ULK4: variants seen among roughly 807,000 people sequenced by gnomAD.
ULK4 encodes inactive serine/threonine-protein kinase ULK4.
ULK4 carries 133 observed loss-of-function variants against 160.6 expected under a neutral mutation model. The observed-to-expected ratio is 0.83, with a 90% confidence interval of 0.72 to 0.96. The LOEUF (loss-of-function observed/expected upper bound fraction) is 0.96. Ranked by LOEUF, ULK4 falls within the 40% of genes least tolerant of loss-of-function variation. The pLI, the probability that ULK4 is intolerant of heterozygous loss-of-function variation, is 0.00. For synonymous variants in ULK4, 534 were observed against 539.8 expected, an observed-to-expected ratio of 0.99 and a Z score of 0.15; for missense variants, 1,580 against 1,499.5, an observed-to-expected ratio of 1.05 and a Z score of -0.89.
intron 27 of ULK4, among the ~76,000 whole-genome samples, chr3:41,699,784 G>T (rs1307042856): frequency 2.0e-5 from 3 of 152,160 alleles, no homozygotes. Context: ...TGCTCAAAAA[G>T]AGGTAATTAG....
intron 35 of ULK4, among the ~76,000 whole-genome samples, chr3:41,292,030 T>G (rs1017098537): frequency 1.9e-4 from 29 of 152,048 alleles, no homozygotes; most frequent in African/African-American, 5.8e-4. Context: ...AGACGGGGTT[T>G]CACCGTGTTA....
chr3:41,909,623 G>A (rs1156701716), intron 11 of ULK4, among the ~76,000 whole-genome samples: 1 of 151,500 alleles, frequency 6.6e-6, no homozygotes, highest in Non-Finnish European at 1.5e-5. Context: ...GCTGAGACAT[G>A]AGAATCGCTT....
intron 21 of ULK4, among the ~76,000 whole-genome samples, chr3:41,772,139 C>A (rs1039065745): frequency 2.6e-5 from 4 of 151,992 alleles, no homozygotes; most frequent in African/African-American, 7.2e-5. Context: ...AAAATTGACA[C>A]CCTATCACAA....
intron 35 of ULK4, among the ~76,000 whole-genome samples, chr3:41,374,368 C>A (rs897650545): frequency 1.3e-5 from 2 of 152,154 alleles, no homozygotes; most frequent in African/African-American, 4.8e-5. Context: ...CCCTGATGAA[C>A]ATTGATGTGA....
intron 35 of ULK4, among the ~76,000 whole-genome samples, chr3:41,300,656 A>G (rs2079767080): frequency 6.6e-6 from 1 of 151,412 alleles, no homozygotes; most frequent in African/African-American, 2.4e-5. Context: ...GTACCCTTCT[A>G]CAGCACCCCC....
intron 35 of ULK4, among the ~76,000 whole-genome samples, chr3:41,361,540 A>T (rs570776311): frequency 1.3e-5 from 2 of 152,312 alleles, no homozygotes; most frequent in African/African-American, 4.8e-5. Context: ...ACTGTTTAGA[A>T]CTTTGAAAGC....
At position 41,259,106 on chromosome 3, in the gene ULK4, G is replaced by A. The variant is rs182128690; in HGVS notation, c.3679-9532C>T. ...ATGATATATATACATATATGTATAT[G>A]TATATATGTGTATATATATATATAT... On this transcript the variant is annotated intron_variant, in intron 35 of 36. Coordinates refer to ENST00000301831, the MANE Select transcript of ULK4 (RefSeq NM_017886.4). 2.8e-3 allele frequency among the ~76,000 whole-genome samples: 355 copies of A among 128,370 alleles called. 2 individuals are homozygous for A. Among genetic ancestry groups the A allele is most frequent in the African/African-American group, 0.014 (332 of 23,334 alleles). The allele number at this position is 128,370 out of a possible 152,430, so 84.2% of individuals were successfully genotyped here.
chr3:41,721,337 T>C (rs1266701037), intron 22 of ULK4, among the ~76,000 whole-genome samples: 5 of 39,034 alleles, frequency 1.3e-4, no homozygotes, highest in African/African-American at 7.9e-4. Context: ...AATGTAAATA[T>C]ATATATATAT....
intron 27 of ULK4, among the ~76,000 whole-genome samples, chr3:41,699,426 T>G (rs141228302): frequency 2.6e-3 from 389 of 152,374 alleles, no homozygotes; most frequent in African/African-American, 8.9e-3. Context: ...TTATGTATAC[T>G]GCAGCCAGAA....
chr3:41,365,213 T>C (rs1246507171), intron 35 of ULK4, among the ~76,000 whole-genome samples: 2 of 152,170 alleles, frequency 1.3e-5, no homozygotes, highest in African/African-American at 4.8e-5. Context: ...CATGAATGAG[T>C]GTTTCTTCAC....
At chr3:41,682,222 C>T (rs1575564719) in intron 27 of ULK4, among the ~76,000 whole-genome samples, 1 of 152,250 alleles carries the variant, frequency 6.6e-6, no homozygotes, top group East Asian at 1.9e-4. Flanking sequence ...TTATCAAATA[C>T]ATCAAATAAC....
chr3:41,560,430 T>A (rs529620179), intron 32 of ULK4, among the ~76,000 whole-genome samples: 10 of 152,220 alleles, frequency 6.6e-5, no homozygotes, highest in Non-Finnish European at 1.2e-4. Flanking sequence ...GCGGATGACA[T>A]TGAATCTATA....
chr3:41,662,947 G>A (rs995272487), intron 30 of ULK4, among the ~76,000 whole-genome samples: 15 of 151,940 alleles, frequency 9.9e-5, no homozygotes, highest in Non-Finnish European at 4.4e-5. Context: ...TCGGCCGGGC[G>A]GGGTGGCTCA....
chr3:41,444,150 T>G (rs1440385398), intron 34 of ULK4, among the ~76,000 whole-genome samples: 1 of 152,174 alleles, frequency 6.6e-6, no homozygotes, highest in Admixed American at 6.5e-5. Context: ...CCAATATATA[T>G]TCCCACAGCC....
At chr3:41,432,298 C>T (rs960471481) in intron 34 of ULK4, among the ~76,000 whole-genome samples, 3 of 152,152 alleles carry the variant, frequency 2.0e-5, no homozygotes, top group African/African-American at 7.2e-5. Flanking sequence ...AGCACCTCAA[C>T]TTTAAATGGC....
chr3:41,606,515 G>C (rs2032390915), intron 31 of ULK4, among the ~76,000 whole-genome samples: 1 of 151,912 alleles, frequency 6.6e-6, no homozygotes. Flanking sequence ...TCATATAGTA[G>C]TTCTATTTTT....
intron 32 of ULK4, among the ~76,000 whole-genome samples, chr3:41,498,036 C>T (rs1272418200): frequency 1.3e-5 from 2 of 152,090 alleles, no homozygotes; most frequent in Non-Finnish European, 2.9e-5. Flanking sequence ...ATCTGAATAG[C>T]GTTATCAAAT....
intron 30 of ULK4, among the ~76,000 whole-genome samples, chr3:41,643,058 T>C (rs1187647912): frequency 1.3e-5 from 2 of 152,198 alleles, no homozygotes; most frequent in African/African-American, 2.4e-5. Context: ...TTCTTGTACA[T>C]TTCTTTGAGT....
At chr3:41,273,531 T>C (rs1040471359) in intron 35 of ULK4, among the ~76,000 whole-genome samples, 6 of 152,220 alleles carry the variant, frequency 3.9e-5, no homozygotes, top group Admixed American at 6.5e-5. Flanking sequence ...CTGTGTACTA[T>C]TGAACACTAG....
Sources: allele counts gnomAD v4.1 joint callset (sites outside exome capture counted in the v4.1 genomes callset), GRCh38; gene constraint gnomAD v4.1.1; transcripts MANE v1.5; gene names NCBI Gene and HGNC (gene_info 2026-07-23, HGNC 2026-07-21).